Variants in RNLS observed in about 807,000 individuals in gnomAD.
RNLS encodes the protein renalase, FAD dependent amine oxidase, also known as renalase.
A neutral mutation model predicts 39.8 loss-of-function variants in RNLS; 39 were observed. That is an observed-to-expected ratio of 0.98 (90% CI 0.76 to 1.28). The LOEUF (loss-of-function observed/expected upper bound fraction) is 1.28. RNLS is among the 50% of genes most tolerant of loss of function. The pLI, the probability that RNLS is intolerant of heterozygous loss-of-function variation, is 0.00. For missense variants in RNLS, 410 were observed against 413.3 expected, an observed-to-expected ratio of 0.99 and a Z score of 0.07; for synonymous variants, 147 against 150.7, an observed-to-expected ratio of 0.98 and a Z score of 0.18.
At chr10:88,274,816 C>G in exon 7 of RNLS, 1 of 604,738 alleles carries the variant, frequency 1.7e-6, no homozygotes, top group Non-Finnish European at 3.0e-6. Flanking sequence ...CGGCACTGCA[C>G]AAGGGAATCC....
intron 6 of RNLS, among the ~76,000 whole-genome samples, chr10:88,306,637 G>A (rs983531283): frequency 9.2e-5 from 14 of 151,924 alleles, no homozygotes; most frequent in Non-Finnish European, 1.5e-4. Flanking sequence ...AGGAAGAAAC[G>A]GATTTCCTGA....
At chr10:88,307,941 A>G (rs1180256962) in intron 6 of RNLS, among the ~76,000 whole-genome samples, 3 of 152,220 alleles carry the variant, frequency 2.0e-5, no homozygotes, top group Non-Finnish European at 2.9e-5. Context: ...AAACAGACAC[A>G]TAGCCCAATG....
At chr10:88,502,836 T>A (rs1051516305) in intron 4 of RNLS, among the ~76,000 whole-genome samples, 1 of 152,068 alleles carries the variant, frequency 6.6e-6, no homozygotes, top group African/African-American at 2.4e-5. Context: ...TTCCCAATGA[T>A]CAAAAGCGCA....
chr10:88,417,430 A>T (rs1854097175), intron 4 of RNLS, among the ~76,000 whole-genome samples: 1 of 152,258 alleles, frequency 6.6e-6, no homozygotes, highest in Non-Finnish European at 1.5e-5. Context: ...TTTTTAAAAC[A>T]GCAAGAGTCC....
At chr10:88,206,994 A>G in the RNLS span, among the ~76,000 whole-genome samples, 1 of 152,064 alleles carries the variant, frequency 6.6e-6, no homozygotes, top group Admixed American at 6.6e-5. Context: ...GGCTAGACAG[A>G]CCCCATAAAT....
At chr10:88,331,922 A>C (rs909623505) in intron 5 of RNLS, among the ~76,000 whole-genome samples, 3 of 152,200 alleles carry the variant, frequency 2.0e-5, no homozygotes, top group Non-Finnish European at 4.4e-5. Flanking sequence ...CCAGGGAGAG[A>C]GAGGGGAGAA....
downstream of RNLS, among the ~76,000 whole-genome samples, chr10:88,279,675 A>G (rs1043919225): frequency 2.0e-5 from 3 of 152,210 alleles, 1 homozygote; most frequent in Admixed American, 1.3e-4. Context: ...ACTAATCTTC[A>G]GCAGAATCCA....
intron 4 of RNLS, among the ~76,000 whole-genome samples, chr10:88,516,271 T>A (rs960377047): frequency 2.0e-5 from 3 of 151,976 alleles, no homozygotes; most frequent in Admixed American, 2.0e-4. Flanking sequence ...AATCTGGACA[T>A]TAGAGGAATA....
At chr10:88,449,381 C>T (rs1381921143) in intron 4 of RNLS, among the ~76,000 whole-genome samples, 1 of 152,108 alleles carries the variant, frequency 6.6e-6, no homozygotes, top group Non-Finnish European at 1.5e-5. Context: ...AACTCTTTTC[C>T]ACGTGTTTAA....
the RNLS span, among the ~76,000 whole-genome samples, chr10:88,218,854 C>G: frequency 2.1e-3 from 315 of 152,298 alleles, 6 homozygotes; most frequent in South Asian, 0.019. Flanking sequence ...CAAGAGCCTT[C>G]AATACTCTCC....
chr10:88,368,347 C>CTG (rs1850280095), intron 4 of RNLS, among the ~76,000 whole-genome samples: 1 of 152,046 alleles, frequency 6.6e-6, no homozygotes, highest in Non-Finnish European at 1.5e-5. Flanking sequence ...GAGGCAAAGA[C>CTG]TGTGCTTCAT....
At chr10:88,531,572 T>C (rs922844351) in intron 4 of RNLS, among the ~76,000 whole-genome samples, 1 of 151,980 alleles carries the variant, frequency 6.6e-6, no homozygotes, top group Non-Finnish European at 1.5e-5. Flanking sequence ...ACTCTGTAGA[T>C]CTCAGCACCA....
chr10:88,292,575 T>TAAAAA (rs57247036), intron 6 of RNLS, among the ~76,000 whole-genome samples: 1 of 136,268 alleles, frequency 7.3e-6, no homozygotes, highest in East Asian at 2.1e-4. Context: ...TAACTCACAT[T>TAAAAA]AAAAAAAAAA....
the RNLS span, among the ~76,000 whole-genome samples, chr10:88,214,488 G>C: frequency 9.3e-6 from 1 of 107,016 alleles, no homozygotes; most frequent in Non-Finnish European, 1.8e-5. Context: ...GACAGAGCGA[G>C]ACTCCGTCTC....
rs762158580 is a variant in RNLS at position 88,511,414 on chromosome 10, G to T, written c.526+61489C>A. ...GATTGTTGAAAGAATGTAAAGGAAA[G>T]AACCAGAAGTTTATCTTGTATAAGT... On this transcript the variant is annotated intron_variant, in intron 4 of 6. Coordinates refer to ENST00000331772, the MANE Select transcript of RNLS (RefSeq NM_001031709.3). Among the ~76,000 whole-genome samples, 19 of 152,242 alleles carry T rather than the reference G, an allele frequency of 1.2e-4. No homozygotes were observed. In the East Asian group the frequency reaches 3.1e-3, roughly 25 times the overall value.
the RNLS span, among the ~76,000 whole-genome samples, chr10:88,261,554 T>G: frequency 6.6e-6 from 1 of 152,260 alleles, no homozygotes; most frequent in East Asian, 1.9e-4. Context: ...AAGTGACACA[T>G]GTCACTTCTG....
chr10:88,239,836 G>A, the RNLS span, among the ~76,000 whole-genome samples: 1 of 152,230 alleles, frequency 6.6e-6, no homozygotes. Flanking sequence ...AGGGCAAACT[G>A]GAGAAAGTTT....
chr10:88,404,542 T>C (rs945869240), intron 4 of RNLS, among the ~76,000 whole-genome samples: 4 of 151,948 alleles, frequency 2.6e-5, no homozygotes, highest in East Asian at 1.9e-4. Flanking sequence ...CAAGTGACAA[T>C]AGAATAGTAA....
exon 7 of RNLS, chr10:88,274,772 T>A: frequency 2.3e-6 from 1 of 444,082 alleles, no homozygotes. Flanking sequence ...GCCGTATCAT[T>A]TTCCATAGTA....
Sources: allele counts gnomAD v4.1 joint callset (sites outside exome capture counted in the v4.1 genomes callset), GRCh38; gene constraint gnomAD v4.1.1; transcripts MANE v1.5; gene names NCBI Gene and HGNC (gene_info 2026-07-23, HGNC 2026-07-21).